Variants in PSORS1C1 observed in about 807,000 individuals in gnomAD.
PSORS1C1 encodes the protein psoriasis susceptibility 1 candidate 1, also known as psoriasis susceptibility 1 candidate gene 1 protein.
PSORS1C1 carries 7 observed loss-of-function variants against 9.4 expected under a neutral mutation model. That is an observed-to-expected ratio of 0.75 (90% CI 0.42 to 1.40). The LOEUF is 1.40. PSORS1C1 is among the 40% of genes most tolerant of loss of function. PSORS1C1 has a pLI of 0.01. For missense variants in PSORS1C1, 146 were observed against 178.1 expected (o/e 0.82, Z 1.02); for synonymous variants, 63 against 69.4 (o/e 0.91, Z 0.46).
chr6:31,126,486 C>T (rs772167380), intron 2 of PSORS1C1, among the ~76,000 whole-genome samples: 9 of 152,102 alleles, frequency 5.9e-5, no homozygotes, highest in Non-Finnish European at 8.8e-5. Flanking sequence ...CTGGTGTGGG[C>T]GGTGCTCGGC....
Position 31,115,864 on chromosome 6 carries a change from A to G in PSORS1C1, c.-229+973A>G. On this transcript the variant is annotated intron_variant, in intron 1 of 5. Transcript: ENST00000259881. The surrounding 1 kb of genome is among the most constrained non-coding windows in gnomAD (Gnocchi z 4.2). Reference sequence around the variant, plus strand: ...AGGAAGGAGGAAGGGGTGATAAGAGAGAGTCTGCAACCTTGGGGTAGTGGA... The same window carrying G: ...AGGAAGGAGGAAGGGGTGATAAGAGGGAGTCTGCAACCTTGGGGTAGTGGA... 1 of 631,006 alleles carries G rather than the reference A, an allele frequency of 1.6e-6. No homozygotes were observed. The highest frequency in any genetic ancestry group is 2.8e-6 in the Non-Finnish European group (1 of 351,084). 39.1% of individuals were successfully genotyped at this position (631,006 alleles called of 1,614,324 possible).
intron 1 of PSORS1C1, chr6:31,117,194 A>T (rs1772196809): frequency 1.2e-6 from 2 of 1,613,040 alleles, no homozygotes; most frequent in Admixed American, 1.7e-5. Flanking sequence ...CTGTTTCCCG[A>T]GTGAGAGCTG....
At chr6:31,127,141 T>C (rs1002078723) in intron 2 of PSORS1C1, among the ~76,000 whole-genome samples, 4 of 152,150 alleles carry the variant, frequency 2.6e-5, no homozygotes, top group African/African-American at 9.7e-5. Context: ...AGCGCCAGGG[T>C]GCAGTCTGAA....
intron 1 of PSORS1C1, among the ~76,000 whole-genome samples, 197 bp from the exon 2 acceptor site, chr6:31,125,479 G>A (rs769938228): frequency 2.6e-5 from 4 of 152,152 alleles, no homozygotes; most frequent in Non-Finnish European, 4.4e-5. Context: ...TCTTCACCTG[G>A]TTCCTCTGGT....
At chr6:31,136,587 C>A (rs996418150) in intron 3 of PSORS1C1, among the ~76,000 whole-genome samples, 2 of 152,042 alleles carry the variant, frequency 1.3e-5, no homozygotes, top group Non-Finnish European at 2.9e-5. Context: ...CCGACACACC[C>A]CTGGGAAGGT....
chr6:31,126,787 C>T (rs1310790020), intron 2 of PSORS1C1, among the ~76,000 whole-genome samples: 2 of 152,222 alleles, frequency 1.3e-5, no homozygotes, highest in African/African-American at 4.8e-5. Context: ...CCCCGCTCCC[C>T]TGAGTCTTTT....
intron 1 of PSORS1C1, among the ~76,000 whole-genome samples, chr6:31,123,080 C>T (rs148808151): frequency 2.0e-5 from 3 of 152,208 alleles, no homozygotes; most frequent in Non-Finnish European, 2.9e-5. Context: ...TCCTGGCTGC[C>T]GTCAGAACTT....
chr6:31,116,634 C>A (rs759894159), intron 1 of PSORS1C1: 1 of 1,613,084 alleles, frequency 6.2e-7, no homozygotes. Flanking sequence ...TCACAGGGTT[C>A]TCTTTGGTGA....
chr6:31,138,358 G>A (rs777180178), intron 3 of PSORS1C1, 72 bp from the exon 4 acceptor site: 2 of 1,487,910 alleles, frequency 1.3e-6, no homozygotes, highest in Non-Finnish European at 1.9e-6. Flanking sequence ...TCTCTCCCCA[G>A]CCCCACCCAG....
At chr6:31,126,075 T>C (rs1749916859) in intron 2 of PSORS1C1, among the ~76,000 whole-genome samples, 1 of 151,432 alleles carries the variant, frequency 6.6e-6, no homozygotes, top group Non-Finnish European at 1.5e-5. Flanking sequence ...TTGGCGGAGG[T>C]GGCAGTGGGC....
chr6:31,120,436 T>C (rs753558327), intron 1 of PSORS1C1: 2 of 1,564,030 alleles, frequency 1.3e-6, no homozygotes, highest in Admixed American at 3.8e-5. Context: ...CTGCACGGCC[T>C]CCTGACTGAT....
intron 1 of PSORS1C1, among the ~76,000 whole-genome samples, chr6:31,121,829 C>T (rs1772478495): frequency 6.6e-6 from 1 of 152,232 alleles, no homozygotes; most frequent in African/African-American, 2.4e-5. Flanking sequence ...ATACGGTAGC[C>T]ACTGGCCACA....
chr6:31,138,912 G>A lies in PSORS1C1; in HGVS notation c.167+133G>A, dbSNP rs149323436. The A allele has an allele frequency of 4.3e-3, 6,900 of 1,598,934 alleles. 29 individuals are homozygous for A. Among genetic ancestry groups the A allele is most frequent in the Non-Finnish European group, 5.5e-3 (6,395 of 1,166,848 alleles). On this transcript the variant is annotated intron_variant, in intron 5 of 5. Transcript: ENST00000259881. ...AACCCCATGCGTCCAGTTCACCTCCGCCATCTTGAGTATCCCTCATCACCC... is the reference window on the plus strand; with the variant it reads ...AACCCCATGCGTCCAGTTCACCTCCACCATCTTGAGTATCCCTCATCACCC...
intron 3 of PSORS1C1, among the ~76,000 whole-genome samples, chr6:31,132,809 A>G (rs1772976303): frequency 6.6e-6 from 1 of 151,840 alleles, no homozygotes; most frequent in African/African-American, 2.4e-5. Context: ...TGATTGTGCC[A>G]CTGCACTTTA....
In PSORS1C1 at chr6:31,128,586, G is replaced by C. The variant is rs902156654; in HGVS notation, c.-64-983G>C. Among the ~76,000 whole-genome samples the C allele has an allele frequency of 6.6e-6, 1 of 152,124 alleles. No individual in the cohort carries two copies. The highest frequency in any genetic ancestry group is 1.5e-5 in the Non-Finnish European group (1 of 68,024). On this transcript the variant is annotated intron_variant, in intron 2 of 5. Coordinates refer to ENST00000259881, the MANE Select transcript of PSORS1C1 (RefSeq NM_014068.3). This position sits in a 1 kb window ranked among gnomAD's most constrained non-coding sequence, Gnocchi z 4.3. The stretch of plus-strand genomic sequence containing the variant: ...TGATTACTGCCTCTGAGGATATTAG[G>C]GGGAAAAACCCACAGGAGGTGCATT...
chr6:31,117,743 A>G lies in PSORS1C1; in HGVS notation c.-229+2852A>G, dbSNP rs570857880. 168 of 589,894 alleles carry G rather than the reference A, an allele frequency of 2.8e-4. 4 individuals carry two copies. In the South Asian group the frequency reaches 3.0e-3, roughly 11 times the overall value. 36.5% of individuals were successfully genotyped at this position (589,894 alleles called of 1,614,324 possible). A position where few individuals can be genotyped will look rare whatever the true frequency, so the allele number is the denominator to read the frequency against. The stretch of plus-strand genomic sequence containing the variant: ...TTTCTTTGTTTGGGAAGGGTGGGCA[A>G]ACACCAACCAGAAAAATAGAAAATT... On this transcript the variant is annotated intron_variant, in intron 1 of 5. Coordinates refer to ENST00000259881, the MANE Select transcript of PSORS1C1 (RefSeq NM_014068.3).
intron 1 of PSORS1C1, chr6:31,116,653 A>C: frequency 1.2e-6 from 2 of 1,612,892 alleles, no homozygotes; most frequent in Non-Finnish European, 1.7e-6. Flanking sequence ...GAAGTAGCCC[A>C]CAGGGTAGAT....
At chr6:31,134,548 G>A (rs1008833605) in intron 3 of PSORS1C1, among the ~76,000 whole-genome samples, 2 of 151,834 alleles carry the variant, frequency 1.3e-5, no homozygotes, top group Admixed American at 6.6e-5. Context: ...CTCGTGATTC[G>A]CCCGCCTTGG....
Position 31,115,961 on chromosome 6 carries a change from A to T in PSORS1C1, c.-229+1070A>T, listed in dbSNP as rs1772085040. 2 of 1,437,166 alleles carry T rather than the reference A, an allele frequency of 1.4e-6. No homozygotes were observed. Among genetic ancestry groups the T allele is most frequent in the Non-Finnish European group, 2.0e-6 (2 of 1,023,586 alleles). The allele number at this position is 1,437,166 out of a possible 1,614,324, so 89.0% of individuals were successfully genotyped here. A position where few individuals can be genotyped will look rare whatever the true frequency, so the allele number is the denominator to read the frequency against. On this transcript the variant is annotated intron_variant, in intron 1 of 5. Transcript: ENST00000259881. This position sits in a 1 kb window ranked among gnomAD's most constrained non-coding sequence, Gnocchi z 4.2. ...TATGCCTGGGCACTGGACTTCTCCC[A>T]TATGGGATATAGTGTATGTGCTTGT...
Sources: allele counts gnomAD v4.1 joint callset (sites outside exome capture counted in the v4.1 genomes callset), GRCh38; gene constraint gnomAD v4.1.1; non-coding constraint Gnocchi (gnomAD v3.1); transcripts MANE v1.5; gene names NCBI Gene and HGNC (gene_info 2026-07-23, HGNC 2026-07-21).